The following GTF2IRD1 variants were observed in gnomAD, a reference collection of about 807,000 sequenced individuals.
GTF2IRD1 encodes general transcription factor II-I repeat domain-containing protein 1.
GTF2IRD1 carries 26 observed loss-of-function variants against 113.2 expected under a neutral mutation model. The observed-to-expected ratio is 0.23, with a 90% CI of 0.17 to 0.32. The LOEUF is 0.32. Among genes scored for constraint, GTF2IRD1 ranks in the 10% least tolerant of loss-of-function variants. The probability of loss-of-function intolerance (pLI) is 1.00; values close to 1 mark genes in which losing one functional copy is unlikely to be tolerated. For missense variants in GTF2IRD1, 864 were observed against 1,280.8 expected, an observed-to-expected ratio of 0.67 and a Z score of 4.97; for synonymous variants, 484 against 529.1, an observed-to-expected ratio of 0.91 and a Z score of 1.17.
At chr7:74,553,299 G>A in intron 17 of GTF2IRD1, among the ~76,000 whole-genome samples, 1 of 151,788 alleles carries the variant, frequency 6.6e-6, no homozygotes, top group East Asian at 2.0e-4. Flanking sequence ...CTGGCCATGA[G>A]CATTTGTTTT....
chr7:74,539,514 C>T (rs1331903708), intron 13 of GTF2IRD1, among the ~76,000 whole-genome samples: 7 of 152,048 alleles, frequency 4.6e-5, no homozygotes, highest in Non-Finnish European at 7.4e-5. Context: ...GAGGCCGAGG[C>T]GGGCACATCA....
At chr7:74,534,431 A>G (rs1798158853) in intron 9 of GTF2IRD1, among the ~76,000 whole-genome samples, 1 of 152,176 alleles carries the variant, frequency 6.6e-6, no homozygotes, top group African/African-American at 2.4e-5. Context: ...GTGAAACCCC[A>G]TCTCTACTAA....
At chr7:74,530,645 C>A (rs965907885) in intron 9 of GTF2IRD1, among the ~76,000 whole-genome samples, 1 of 150,204 alleles carries the variant, frequency 6.7e-6, no homozygotes, top group East Asian at 1.9e-4. Flanking sequence ...AATGATGGCC[C>A]CCCCGACCCA....
At chr7:74,505,621 C>T (rs1420112746) in intron 1 of GTF2IRD1, among the ~76,000 whole-genome samples, 1 of 152,232 alleles carries the variant, frequency 6.6e-6, no homozygotes, top group Admixed American at 6.5e-5. Flanking sequence ...TGTCTGGTGC[C>T]TCCTGCTTTG....
intron 1 of GTF2IRD1, among the ~76,000 whole-genome samples, chr7:74,482,821 T>G (rs999212792): frequency 1.3e-5 from 2 of 152,172 alleles, no homozygotes; most frequent in African/African-American, 4.8e-5. Context: ...GTGTTGCGTG[T>G]CTTTGTGGTT....
chr7:74,495,562 G>A (rs1795610007), intron 1 of GTF2IRD1, among the ~76,000 whole-genome samples: 1 of 152,128 alleles, frequency 6.6e-6, no homozygotes, highest in Admixed American at 6.6e-5. Flanking sequence ...GCAGGCCCGG[G>A]CACACACAGA....
chr7:74,454,579 C>G (rs1253232449), intron 1 of GTF2IRD1, among the ~76,000 whole-genome samples: 1 of 90,640 alleles, frequency 1.1e-5, no homozygotes, highest in Non-Finnish European at 2.1e-5. Context: ...AGGCCGCGGT[C>G]CCCGCCTTTC....
chr7:74,554,965 G>T (rs1389911110), intron 17 of GTF2IRD1, among the ~76,000 whole-genome samples: 5 of 151,852 alleles, frequency 3.3e-5, no homozygotes, highest in East Asian at 3.9e-4. Context: ...GTTCAGGACT[G>T]GGGGGGGTCT....
chr7:74,583,431 A>G (rs1554366783), intron 22 of GTF2IRD1, among the ~76,000 whole-genome samples: 2 of 148,398 alleles, frequency 1.3e-5, no homozygotes, highest in African/African-American at 2.5e-5. Context: ...GCTGGTTGCA[A>G]ACTCGTGGCC....
At chr7:74,560,415 A>C (rs1554358672) in intron 22 of GTF2IRD1, among the ~76,000 whole-genome samples, 1 of 151,062 alleles carries the variant, frequency 6.6e-6, no homozygotes, top group Non-Finnish European at 1.5e-5. Flanking sequence ...TAAACAGTGC[A>C]GTGCCTCTCC....
Position 74,454,139 on chromosome 7 carries a change from G to C in GTF2IRD1, c.-44G>C, listed in dbSNP as rs552956289. 1.3e-5 allele frequency: 2 copies of C among 152,210 alleles called. No individual in the cohort carries two copies. Among genetic ancestry groups the C allele is most frequent in the Admixed American group, 6.5e-5 (1 of 15,272 alleles). The allele number at this position is 152,210 out of a possible 1,614,324, so 9.4% of individuals were successfully genotyped here. On this transcript the variant is annotated 5_prime_UTR_variant, in exon 1 of 27. Transcript: ENST00000424337. ...TGAGTCCTGGCCGCGGGCCGGGGCC[G>C]GGGCGCCGCTGGCAGGAGCGCTTGG...
At chr7:74,591,083 G>C (rs1802031373) in intron 24 of GTF2IRD1, 66 bp downstream of exon 24, 1 of 1,122,186 alleles carries the variant, frequency 8.9e-7, no homozygotes, top group Non-Finnish European at 1.3e-6. Flanking sequence ...GAAAGTCAAG[G>C]TCACGGTGGG....
chr7:74,555,294 C>A lies in GTF2IRD1; in HGVS notation c.1966+71C>A. Reference sequence around the variant, plus strand: ...GGGCCCCAGGCCTCTGCCACCAGCCCCTCCTCCTGCTGCCTCTGTCCTGCT... The same window carrying A: ...GGGCCCCAGGCCTCTGCCACCAGCCACTCCTCCTGCTGCCTCTGTCCTGCT... On this transcript the variant is annotated intron_variant, in intron 18 of 26. Transcript: ENST00000424337. The surrounding 1 kb of genome is among the most constrained non-coding windows in gnomAD (Gnocchi z 5.3). 1.3e-6 allele frequency: 2 copies of A among 1,502,732 alleles called. No homozygotes were observed. The highest frequency in any genetic ancestry group is 1.8e-6 in the Non-Finnish European group (2 of 1,082,008). The allele number at this position is 1,502,732 out of a possible 1,614,324, so 93.1% of individuals were successfully genotyped here. A position where few individuals can be genotyped will look rare whatever the true frequency, so the allele number is the denominator to read the frequency against.
At chr7:74,535,091 C>G in intron 9 of GTF2IRD1, 22 bp from the exon 10 acceptor site, 1 of 1,609,956 alleles carries the variant, frequency 6.2e-7, no homozygotes, top group South Asian at 1.1e-5. Context: ...TGTTCTCATG[C>G]CTGTCTCTCT....
chr7:74,575,915 G>A (rs117726710), intron 22 of GTF2IRD1, among the ~76,000 whole-genome samples: 250 of 152,096 alleles, frequency 1.6e-3, no homozygotes, highest in East Asian at 7.1e-3. Flanking sequence ...AGTGGCTCAC[G>A]CCAGCACTCT....
intron 1 of GTF2IRD1, among the ~76,000 whole-genome samples, chr7:74,457,147 C>T (rs1258838460): frequency 6.6e-6 from 1 of 152,048 alleles, no homozygotes; most frequent in Non-Finnish European, 1.5e-5. Flanking sequence ...AGGGCCACTA[C>T]ACCTGGTTAA....
chr7:74,505,255 C>G (rs562112930), intron 1 of GTF2IRD1, among the ~76,000 whole-genome samples: 1 of 152,310 alleles, frequency 6.6e-6, no homozygotes, highest in African/African-American at 2.4e-5. Flanking sequence ...CAGGACTCAC[C>G]CGAGGTGCTC....
intron 1 of GTF2IRD1, among the ~76,000 whole-genome samples, chr7:74,504,628 T>C (rs1215028835): frequency 6.6e-6 from 1 of 152,042 alleles, no homozygotes; most frequent in Non-Finnish European, 1.5e-5. Context: ...GCTAGTGCCT[T>C]TCTTGTCTCT....
At chr7:74,587,425 CAG>C (rs1209320980) in intron 22 of GTF2IRD1, among the ~76,000 whole-genome samples, 12 of 151,798 alleles carry the variant, frequency 7.9e-5, no homozygotes, top group Non-Finnish European at 8.8e-5. Flanking sequence ...GCCTGGGCAA[CAG>C]AGTGAGACTC....
Sources: gnomAD v4.1 joint callset for allele counts (sites outside exome capture counted in the v4.1 genomes callset) on GRCh38, gnomAD v4.1.1 for gene constraint, Gnocchi (gnomAD v3.1) non-coding constraint, MANE v1.5 for transcripts, NCBI Gene and HGNC (gene_info 2026-07-23, HGNC 2026-07-21) for gene names.